TMEM132D: variants seen among roughly 807,000 people sequenced by gnomAD.
TMEM132D encodes the protein mature OL transmembrane protein.
Under a neutral mutation model 62.3 loss-of-function variants are expected in TMEM132D, and 21 were observed. The observed-to-expected ratio is 0.34, with a 90% CI of 0.24 to 0.49. The LOEUF (loss-of-function observed/expected upper bound fraction) is 0.49, where lower values mean the gene tolerates loss of function less well. Among genes scored for constraint, TMEM132D ranks in the 20% least tolerant of loss-of-function variants. The probability of loss-of-function intolerance (pLI) is 0.99; values close to 1 mark genes in which losing one functional copy is unlikely to be tolerated. For missense variants in TMEM132D, 1,346 were observed against 1,402.8 expected, an observed-to-expected ratio of 0.96 and a Z score of 0.65; for synonymous variants, 621 against 575.6, an observed-to-expected ratio of 1.08 and a Z score of -1.13.
intron 3 of TMEM132D, among the ~76,000 whole-genome samples, chr12:129,513,628 G>T (rs1225196287): frequency 6.7e-6 from 1 of 150,354 alleles, no homozygotes; most frequent in African/African-American, 2.5e-5. Flanking sequence ...GGGACTACAG[G>T]CACCCACCAC....
At chr12:129,301,549 A>T (rs934874711) in intron 4 of TMEM132D, among the ~76,000 whole-genome samples, 3 of 152,186 alleles carry the variant, frequency 2.0e-5, no homozygotes, top group Admixed American at 1.3e-4. Context: ...CCAAATTGGG[A>T]ACTCACACAC....
chr12:129,446,597 C>T (rs1378499536), intron 3 of TMEM132D, among the ~76,000 whole-genome samples: 2 of 152,196 alleles, frequency 1.3e-5, no homozygotes, highest in South Asian at 4.1e-4. Context: ...CAAATCTCTG[C>T]TCTTGAAGAT....
At chr12:129,248,748 C>A (rs1185206512) in intron 4 of TMEM132D, among the ~76,000 whole-genome samples, 2 of 152,152 alleles carry the variant, frequency 1.3e-5, no homozygotes, top group Admixed American at 1.3e-4. Flanking sequence ...GTCTGCTGTT[C>A]CCCTCTCTGT....
chr12:129,126,044 G>A (rs1378470574), intron 5 of TMEM132D, among the ~76,000 whole-genome samples: 1 of 152,138 alleles, frequency 6.6e-6, no homozygotes, highest in African/African-American at 2.4e-5. Flanking sequence ...CCCTCTTTTT[G>A]AGATAAGGGG....
At chr12:129,292,167 A>T (rs766040141) in intron 4 of TMEM132D, among the ~76,000 whole-genome samples, 5 of 152,212 alleles carry the variant, frequency 3.3e-5, no homozygotes, top group Non-Finnish European at 7.3e-5. Context: ...TTTCCCCATG[A>T]TTTAGCAAAA....
At chr12:129,184,367 C>T (rs1423898833) in intron 5 of TMEM132D, among the ~76,000 whole-genome samples, 3 of 152,200 alleles carry the variant, frequency 2.0e-5, no homozygotes, top group Admixed American at 6.5e-5. Context: ...GCTGGAGTTT[C>T]GCAGAGCTGT....
intron 2 of TMEM132D, among the ~76,000 whole-genome samples, chr12:129,597,463 G>C (rs1878368261): frequency 6.6e-6 from 1 of 152,188 alleles, no homozygotes; most frequent in Non-Finnish European, 1.5e-5. Context: ...AGCATGGTAA[G>C]TAAAATGATT....
At chr12:129,478,843 A>G (rs1240878769) in intron 3 of TMEM132D, among the ~76,000 whole-genome samples, 1 of 152,234 alleles carries the variant, frequency 6.6e-6, no homozygotes, top group Non-Finnish European at 1.5e-5. Flanking sequence ...AGCTAGAATA[A>G]GAAGCTACCT....
At position 129,581,139 on chromosome 12, in the gene TMEM132D, A is replaced by G. The variant is rs1207195071; in HGVS notation, c.969-49934T>C. ...TAGTTCCCTCGAGAGTTCTTTCTAGAGATGGTTTCTTAGCAACTTTTTCTC... is the reference window on the plus strand; with the variant it reads ...TAGTTCCCTCGAGAGTTCTTTCTAGGGATGGTTTCTTAGCAACTTTTTCTC... On this transcript the variant is annotated intron_variant, in intron 2 of 8. Transcript: ENST00000422113. Among the ~76,000 whole-genome samples, 3 of 152,080 alleles carry G rather than the reference A, an allele frequency of 2.0e-5. No homozygotes were observed. In the East Asian group the frequency reaches 5.8e-4, roughly 29 times the overall value.
chr12:129,544,852 C>G (rs947384655), intron 2 of TMEM132D, among the ~76,000 whole-genome samples: 1 of 152,200 alleles, frequency 6.6e-6, no homozygotes, highest in Non-Finnish European at 1.5e-5. Context: ...CAACCCACAT[C>G]GGTAGTTCTC....
At chr12:129,578,701 G>A (rs934709188) in intron 2 of TMEM132D, among the ~76,000 whole-genome samples, 2 of 152,082 alleles carry the variant, frequency 1.3e-5, no homozygotes, top group Admixed American at 6.5e-5. Context: ...GGAGCTAATG[G>A]TGTCGTTTCT....
intron 5 of TMEM132D, among the ~76,000 whole-genome samples, chr12:129,139,770 C>T (rs904441154): frequency 6.6e-6 from 1 of 152,190 alleles, no homozygotes; most frequent in African/African-American, 2.4e-5. Flanking sequence ...CAGATCTCTG[C>T]AGCTTTGACC....
chr12:129,744,306 T>G (rs943903950), intron 1 of TMEM132D, among the ~76,000 whole-genome samples: 1 of 152,238 alleles, frequency 6.6e-6, no homozygotes, highest in Non-Finnish European at 1.5e-5. Flanking sequence ...AAGGATGTAC[T>G]TTCCTCAACT....
At chr12:129,667,308 T>C (rs1880400671) in intron 2 of TMEM132D, among the ~76,000 whole-genome samples, 1 of 152,214 alleles carries the variant, frequency 6.6e-6, no homozygotes, top group African/African-American at 2.4e-5. Flanking sequence ...TGAAATTTGG[T>C]TTTCTCTTTT....
At chr12:129,296,256 C>T (rs1026636722) in intron 4 of TMEM132D, among the ~76,000 whole-genome samples, 17 of 152,232 alleles carry the variant, frequency 1.1e-4, no homozygotes, top group South Asian at 4.1e-4. Flanking sequence ...TTATGCACTG[C>T]GTGATTTTGA....
chr12:129,877,613 G>GCACACACACACA (rs141592866), intron 1 of TMEM132D, among the ~76,000 whole-genome samples: 3 of 144,402 alleles, frequency 2.1e-5, no homozygotes, highest in South Asian at 4.6e-4. Flanking sequence ...GCGCGCGCGC[G>GCACACACACACA]CACACACACA....
At chr12:129,204,067 A>C (rs1273898879) in intron 5 of TMEM132D, among the ~76,000 whole-genome samples, 1 of 152,240 alleles carries the variant, frequency 6.6e-6, no homozygotes, top group Non-Finnish European at 1.5e-5. Context: ...AAGAAATATC[A>C]GCCCACACAA....
At chr12:129,210,820 T>A (rs1879020288) in intron 4 of TMEM132D, 2 of 152,336 alleles carry the variant, frequency 1.3e-5, no homozygotes, top group Non-Finnish European at 2.9e-5. Flanking sequence ...CCCCAGCTCC[T>A]CACACTGTAT....
intron 2 of TMEM132D, among the ~76,000 whole-genome samples, chr12:129,559,279 T>C (rs1877147321): frequency 6.6e-6 from 1 of 152,186 alleles, no homozygotes; most frequent in Non-Finnish European, 1.5e-5. Context: ...GGAAAGAGAA[T>C]ACACAGAAGT....
Sources: allele counts gnomAD v4.1 joint callset (sites outside exome capture counted in the v4.1 genomes callset), GRCh38; gene constraint gnomAD v4.1.1; transcripts MANE v1.5; gene names NCBI Gene and HGNC (gene_info 2026-07-23, HGNC 2026-07-21).